SERTAD2: variants seen among roughly 807,000 people sequenced by gnomAD.
SERTAD2 encodes SERTA domain-containing protein 2.
Under a neutral mutation model 15.4 loss-of-function variants are expected in SERTAD2, and 2 were observed. The observed-to-expected ratio is 0.13, with a 90% CI of 0.05 to 0.41. The LOEUF is 0.41. SERTAD2 is among the 10% of genes least tolerant of loss of function. The pLI is 0.99. For missense variants in SERTAD2, 333 were observed against 409.7 expected, an observed-to-expected ratio of 0.81 and a Z score of 1.62; for synonymous variants, 180 against 178.0, an observed-to-expected ratio of 1.01 and a Z score of -0.09.
rs950272000 is a variant in SERTAD2, at chr2:64,633,763, C to T, written c.*2164G>A. On this transcript the variant is annotated 3_prime_UTR_variant, in exon 2 of 2. Transcript: ENST00000313349. Reference sequence around the variant, plus strand: ...CACCTGTAGCAGTACGAGGTGTCTGCGTGGAGGTTGCTTGTAGGAGAACAA... The same window carrying T: ...CACCTGTAGCAGTACGAGGTGTCTGTGTGGAGGTTGCTTGTAGGAGAACAA... 3 of 152,176 alleles carry T rather than the reference C, an allele frequency of 2.0e-5. No individual in the cohort carries two copies. The highest frequency in any genetic ancestry group is 4.4e-5 in the Non-Finnish European group (3 of 68,046). The allele number at this position is 152,176 out of a possible 1,614,324, so 9.4% of individuals were successfully genotyped here. A position where few individuals can be genotyped will look rare whatever the true frequency, so the allele number is the denominator to read the frequency against.
chr2:64,644,190 C>A lies in SERTAD2; in HGVS notation c.-4-7315G>T, dbSNP rs543800214. Reference sequence around the variant, plus strand: ...CCCTAAGTGGAAACACATTCATACTCCTGGTGTCTTTTGGTGGTGGTGGTA... The same window carrying A: ...CCCTAAGTGGAAACACATTCATACTACTGGTGTCTTTTGGTGGTGGTGGTA... On this transcript the variant is annotated intron_variant, in intron 1 of 1. Coordinates refer to ENST00000313349, the MANE Select transcript of SERTAD2 (RefSeq NM_014755.3). 2.0e-4 allele frequency among the ~76,000 whole-genome samples: 31 copies of A among 152,338 alleles called. 1 individual carries two copies. Among genetic ancestry groups the A allele is most frequent in the Admixed American group, 1.8e-3 (28 of 15,310 alleles).
chr2:64,636,235 C>T lies in SERTAD2; in HGVS notation c.637G>A (p.Glu213Lys). ...AGTQKLDGPQ[E>K]SRADDSKLMD... ...AGTTTTGAGTCATCTGCGCGGCTCT[C>T]TTGAGGACCGTCGAGTTTCTGGGTG... The change falls in exon 2 of 2, where the codon GAG (glutamate) becomes AAG (lysine). Residue 213 changes from glutamate to lysine, a missense_variant. Around this residue, in one of 2 missense-constraint regions of SERTAD2, gnomAD observed 332 missense variants for 392.9 expected, o/e 0.84. Coordinates refer to ENST00000313349, the MANE Select transcript of SERTAD2 (RefSeq NM_014755.3). The T allele has an allele frequency of 6.2e-7, 1 of 1,614,212 alleles. No homozygotes were observed. Among genetic ancestry groups the T allele is most frequent in the Non-Finnish European group, 8.5e-7 (1 of 1,180,036 alleles).
rs540143167 is a variant in SERTAD2 at position 64,635,910 on chromosome 2, C to A, written c.*17G>T. On this transcript the variant is annotated 3_prime_UTR_variant, in exon 2 of 2. Transcript: ENST00000313349. ...GCTCTGGGGTCTGGGTGGGCATAGT[C>A]GCTGGGTCCCTGGGTCTTAGGACCC... The A allele has an allele frequency of 8.2e-6, 13 of 1,585,796 alleles. No homozygotes were observed. In the East Asian group the frequency reaches 2.0e-4, roughly 25 times the overall value.
At chr2:64,638,971 G>A (rs1674716692) in intron 1 of SERTAD2, among the ~76,000 whole-genome samples, 1 of 152,186 alleles carries the variant, frequency 6.6e-6, no homozygotes, top group South Asian at 2.1e-4. Context: ...GGTACTACTG[G>A]ACAACTGGGT....
At chr2:64,639,563 AG>A (rs1448080699) in intron 1 of SERTAD2, among the ~76,000 whole-genome samples, 1 of 152,192 alleles carries the variant, frequency 6.6e-6, no homozygotes, top group African/African-American at 2.4e-5. Flanking sequence ...TCTGGAGGAG[AG>A]GTAACATTTA....
chr2:64,645,189 G>A (rs928935826), intron 1 of SERTAD2, among the ~76,000 whole-genome samples: 1 of 152,138 alleles, frequency 6.6e-6, no homozygotes, highest in African/African-American at 2.4e-5. Context: ...AGTCTCCTGT[G>A]CTCCAGCGAT....
At chr2:64,640,425 C>A (rs1674747158) in intron 1 of SERTAD2, among the ~76,000 whole-genome samples, 2 of 152,242 alleles carry the variant, frequency 1.3e-5, no homozygotes, top group Non-Finnish European at 2.9e-5. Context: ...CTGGGCCTGG[C>A]TCAGGCTGGC....
At chr2:64,652,913 C>A (rs1185135508) in intron 1 of SERTAD2, among the ~76,000 whole-genome samples, 2 of 152,190 alleles carry the variant, frequency 1.3e-5, no homozygotes, top group African/African-American at 4.8e-5. Context: ...TGTGACGACA[C>A]CCCCTCTCTT....
At chr2:64,646,807 G>A (rs910522170) in intron 1 of SERTAD2, 4 of 152,288 alleles carry the variant, frequency 2.6e-5, no homozygotes, top group Non-Finnish European at 4.4e-5. Flanking sequence ...CCTGAAATGA[G>A]AACAAACACA....
intron 1 of SERTAD2, among the ~76,000 whole-genome samples, chr2:64,651,366 T>C (rs1573093195): frequency 3.9e-5 from 6 of 152,238 alleles, no homozygotes; most frequent in African/African-American, 1.4e-4. Flanking sequence ...GAAATTTTTA[T>C]GTATTTGCAT....
Position 64,634,320 on chromosome 2 carries a change from T to C in SERTAD2, c.*1607A>G, listed in dbSNP as rs1290289479. 1.5e-5 allele frequency: 2 copies of C among 132,248 alleles called. No individual in the cohort carries two copies. Among genetic ancestry groups the C allele is most frequent in the African/African-American group, 5.8e-5 (2 of 34,308 alleles). 8.2% of individuals were successfully genotyped at this position (132,248 alleles called of 1,614,324 possible). On this transcript the variant is annotated 3_prime_UTR_variant, in exon 2 of 2. Transcript: ENST00000313349. ...ACATTGCAACCTTTTTAAAATTAAA[T>C]GTACACCACTAGGAATAAAAAGCTA...
rs756660840 is a variant in SERTAD2, at chr2:64,636,044, G to T, written c.828C>A (p.Ala276=). The T allele has an allele frequency of 1.2e-6, 2 of 1,614,084 alleles. No individual in the cohort carries two copies. Among genetic ancestry groups the T allele is most frequent in the Non-Finnish European group, 1.7e-6 (2 of 1,180,018 alleles). The part of the protein sequence containing the change: ...GTASKMAPVS[A]DDLLKTLAPY... The stretch of plus-strand genomic sequence containing the variant: ...GAGCCAGAGTTTTGAGGAGGTCGTC[G>T]GCAGACACAGGGGCCATTTTTGAGG... Residue 276 remains alanine (A), a synonymous_variant, in exon 2 of 2, where the codon GCC becomes GCA. Transcript: ENST00000313349.
rs1384550883 is a variant in SERTAD2 at position 64,635,311 on chromosome 2, A to G, written c.*616T>C. 1 of 152,662 alleles carries G rather than the reference A, an allele frequency of 6.6e-6. No homozygotes were observed. The highest frequency in any genetic ancestry group is 2.4e-5 in the African/African-American group (1 of 41,464). The allele number at this position is 152,662 out of a possible 1,614,324, so 9.5% of individuals were successfully genotyped here. On this transcript the variant is annotated 3_prime_UTR_variant, in exon 2 of 2. Coordinates refer to ENST00000313349, the MANE Select transcript of SERTAD2 (RefSeq NM_014755.3). ...CAAATCCTATCAAAATAGCTATCTC[A>G]TATGTATAAACAGCATTTGTTTTTA... is the stretch of plus-strand genomic sequence containing the variant.
At chr2:64,649,576 G>A (rs1035074407) in intron 1 of SERTAD2, among the ~76,000 whole-genome samples, 3 of 152,178 alleles carry the variant, frequency 2.0e-5, no homozygotes, top group African/African-American at 4.8e-5. Flanking sequence ...AACTGCCTAG[G>A]AAGGTTTTTA....
intron 1 of SERTAD2, among the ~76,000 whole-genome samples, chr2:64,653,205 T>C (rs1303870193): frequency 6.6e-6 from 1 of 151,996 alleles, no homozygotes; most frequent in African/African-American, 2.4e-5. Flanking sequence ...AACTCAAAAG[T>C]GAAGCAGCCT....
At chr2:64,651,893 A>T (rs1335247752) in intron 1 of SERTAD2, among the ~76,000 whole-genome samples, 1 of 152,150 alleles carries the variant, frequency 6.6e-6, no homozygotes, top group Non-Finnish European at 1.5e-5. Flanking sequence ...GCCGGGTGTT[A>T]AGGAAAAAGG....
rs1481907732 is a variant in SERTAD2, at chr2:64,635,647, T to C, written c.*280A>G. On this transcript the variant is annotated 3_prime_UTR_variant, in exon 2 of 2. Transcript: ENST00000313349. ...CCTTGTGCTTCACTTGAACTGTTTA[T>C]TTTTGTCATTCAACATTGCAACATT... The C allele has an allele frequency of 3.0e-6, 1 of 337,678 alleles. No individual in the cohort carries two copies. The highest frequency in any genetic ancestry group is 2.0e-5 in the African/African-American group (1 of 48,846). 20.9% of individuals were successfully genotyped at this position (337,678 alleles called of 1,614,324 possible). A position where few individuals can be genotyped will look rare whatever the true frequency, so the allele number is the denominator to read the frequency against.
At chr2:64,650,245 A>G (rs1674981097) in intron 1 of SERTAD2, among the ~76,000 whole-genome samples, 1 of 152,174 alleles carries the variant, frequency 6.6e-6, no homozygotes, top group East Asian at 1.9e-4. Context: ...GTTCTGTCCT[A>G]TTAGAAATCA....
At chr2:64,648,275 TTAGG>T (rs1485206892) in intron 1 of SERTAD2, among the ~76,000 whole-genome samples, 1 of 152,220 alleles carries the variant, frequency 6.6e-6, no homozygotes, top group African/African-American at 2.4e-5. Context: ...CCTCTAAGAA[TTAGG>T]TAGGCTAATA....
Sources: allele counts gnomAD v4.1 joint callset (sites outside exome capture counted in the v4.1 genomes callset), GRCh38; gene constraint gnomAD v4.1.1; regional missense constraint gnomAD v4.1.1; transcripts MANE v1.5; gene names NCBI Gene and HGNC (gene_info 2026-07-23, HGNC 2026-07-21).